The following ULK4 variants were observed in gnomAD, a reference collection of about 807,000 sequenced individuals.
The protein encoded by ULK4 is unc-51 like kinase 4.
In ULK4, 133 loss-of-function variants were observed where a neutral mutation model predicts 160.6. The ratio of observed to expected loss-of-function variants is 0.83; its 90% CI spans 0.72 to 0.96. ULK4 has a LOEUF of 0.96. ULK4 is among the 40% of genes least tolerant of loss of function. The pLI is 0.00. For synonymous variants in ULK4, 534 were observed against 539.8 expected (o/e 0.99, Z 0.15); for missense variants, 1,580 against 1,499.5 (o/e 1.05, Z -0.89).
chr3:41,861,329 C>G (rs2042493220), intron 17 of ULK4, among the ~76,000 whole-genome samples: 1 of 152,108 alleles, frequency 6.6e-6, no homozygotes, highest in South Asian at 2.1e-4. Flanking sequence ...TAGGACAGGT[C>G]TGGTATTAAT....
chr3:41,843,930 G>C (rs891500056), intron 17 of ULK4, among the ~76,000 whole-genome samples: 7 of 152,148 alleles, frequency 4.6e-5, no homozygotes, highest in Admixed American at 1.3e-4. Context: ...TAGATACAGA[G>C]TGTCTGCACA....
At chr3:41,333,708 G>T (rs9857557) in intron 35 of ULK4, among the ~76,000 whole-genome samples, 56,648 of 151,980 alleles carry the variant, frequency 0.37, 10,915 homozygotes, top group African/African-American at 0.48. Context: ...TGCTATGTAG[G>T]ATATATAGAC....
intron 27 of ULK4, among the ~76,000 whole-genome samples, chr3:41,684,535 T>G (rs2036034435): frequency 1.3e-5 from 2 of 152,194 alleles, no homozygotes; most frequent in African/African-American, 4.8e-5. Context: ...GTAGCCAGTC[T>G]GAAAGGACCT....
At chr3:41,691,185 A>G (rs1206910512) in intron 27 of ULK4, among the ~76,000 whole-genome samples, 1 of 151,940 alleles carries the variant, frequency 6.6e-6, no homozygotes, top group African/African-American at 2.4e-5. Context: ...AACTGCCTCA[A>G]GTGAGCATGT....
intron 32 of ULK4, among the ~76,000 whole-genome samples, chr3:41,516,674 C>T (rs938431472): frequency 8.2e-6 from 1 of 121,782 alleles, no homozygotes; most frequent in East Asian, 2.5e-4. Context: ...AGGATGATTA[C>T]CAGAGGCTAG....
chr3:41,797,182 T>C (rs558739061), intron 20 of ULK4, among the ~76,000 whole-genome samples: 1 of 144,186 alleles, frequency 6.9e-6, no homozygotes, highest in South Asian at 2.1e-4. Context: ...TAGCTCATGA[T>C]CAATGCAAAA....
At chr3:41,727,065 A>T (rs2037676846) in intron 22 of ULK4, among the ~76,000 whole-genome samples, 1 of 152,058 alleles carries the variant, frequency 6.6e-6, no homozygotes, top group African/African-American at 2.4e-5. Context: ...TAATCTGACC[A>T]CAATTTTCTT....
At chr3:41,938,235 C>A in intron 2 of ULK4, 38 bp from the exon 3 acceptor site, 1 of 1,535,470 alleles carries the variant, frequency 6.5e-7, no homozygotes, top group Non-Finnish European at 8.9e-7. Context: ...AAAAGAAATT[C>A]CTAAAACTCT....
intron 30 of ULK4, among the ~76,000 whole-genome samples, chr3:41,651,451 TTATTGTCTAGTA>T (rs1210883876): frequency 6.6e-6 from 1 of 152,210 alleles, no homozygotes; most frequent in East Asian, 1.9e-4. Flanking sequence ...ATTTCCTTGT[TTATTGTCTAGTA>T]TATACCTCCA....
intron 34 of ULK4, among the ~76,000 whole-genome samples, chr3:41,444,042 T>C (rs1452755665): frequency 6.6e-6 from 1 of 152,158 alleles, no homozygotes; most frequent in East Asian, 1.9e-4. Context: ...TACTTCTGAT[T>C]ATTACCTATG....
chr3:41,736,800 T>G (rs571696421), intron 22 of ULK4, among the ~76,000 whole-genome samples: 2 of 151,670 alleles, frequency 1.3e-5, no homozygotes, highest in South Asian at 2.1e-4. Flanking sequence ...TGCCTAGGTT[T>G]TCTTCTAGGG....
chr3:41,274,441 T>A (rs1438017834), intron 35 of ULK4, among the ~76,000 whole-genome samples: 1 of 152,222 alleles, frequency 6.6e-6, no homozygotes. Context: ...ATGTTTGTGC[T>A]CTGCGCTGCC....
At chr3:41,825,060 G>A (rs1044853015) in intron 18 of ULK4, among the ~76,000 whole-genome samples, 2 of 152,192 alleles carry the variant, frequency 1.3e-5, no homozygotes, top group African/African-American at 4.8e-5. Context: ...ACAGGGTCTG[G>A]AGTGGACCTC....
chr3:41,626,453 G>T (rs1218696900), intron 30 of ULK4, among the ~76,000 whole-genome samples: 2 of 151,704 alleles, frequency 1.3e-5, no homozygotes, highest in African/African-American at 4.8e-5. Flanking sequence ...GTCACGAAAT[G>T]TGCTGTGATT....
chr3:41,331,122 A>T (rs779664579), intron 35 of ULK4, among the ~76,000 whole-genome samples: 7 of 152,206 alleles, frequency 4.6e-5, no homozygotes, highest in Non-Finnish European at 1.0e-4. Context: ...CCGCAAGCCA[A>T]CTTGGATATC....
intron 35 of ULK4, among the ~76,000 whole-genome samples, chr3:41,383,104 G>GT (rs1261947520): frequency 1.1e-4 from 11 of 97,100 alleles, no homozygotes; most frequent in Admixed American, 3.4e-4. Context: ...TTTTTTTCTT[G>GT]TTTTTTTTTC....
At chr3:41,263,345 TG>T (rs1434064425) in intron 35 of ULK4, among the ~76,000 whole-genome samples, 1 of 152,026 alleles carries the variant, frequency 6.6e-6, no homozygotes, top group East Asian at 1.9e-4. Flanking sequence ...GGCTCTGAGG[TG>T]GGAAACGGGA....
Position 41,398,226 on chromosome 3 carries a change from G to T in ULK4, c.3531C>A (p.Ser1177=). 7 of 1,611,770 alleles carry T rather than the reference G, an allele frequency of 4.3e-6. No individual in the cohort carries two copies. The highest frequency in any genetic ancestry group is 1.7e-5 in the Admixed American group (1 of 59,424). Reference sequence around the variant, plus strand: ...GCTGAACCAGTATAGACAGGCACTTGGATGAAACATCAAAAATCTCAGGAT... The same window carrying T: ...GCTGAACCAGTATAGACAGGCACTTTGATGAAACATCAAAAATCTCAGGAT... The part of the protein sequence containing the change: ...NEDPEIFDVS[S]KCLSILVQLY... Residue 1177 remains serine, a synonymous_variant, in exon 35 of 37, where the codon TCC becomes TCA. Coordinates refer to ENST00000301831, the MANE Select transcript of ULK4 (RefSeq NM_017886.4).
chr3:41,339,210 CT>C (rs928794790), intron 35 of ULK4, among the ~76,000 whole-genome samples: 1 of 151,950 alleles, frequency 6.6e-6, no homozygotes. Flanking sequence ...TCCCCTGGGT[CT>C]TTTTTCTGGT....
Sources: allele counts gnomAD v4.1 joint callset (sites outside exome capture counted in the v4.1 genomes callset), GRCh38; gene constraint gnomAD v4.1.1; transcripts MANE v1.5; gene names NCBI Gene and HGNC (gene_info 2026-07-23, HGNC 2026-07-21).